Variants in CFAP299 observed in about 807,000 individuals in gnomAD.
The protein encoded by CFAP299 is cilia and flagella associated protein 299.
Under a neutral mutation model 27.0 loss-of-function variants are expected in CFAP299, and 21 were observed. That is an observed-to-expected ratio of 0.78 (90% CI 0.55 to 1.12). The LOEUF is 1.12. Ranked by LOEUF, CFAP299 falls within the 50% of genes most tolerant of loss-of-function variation. CFAP299 has a pLI of 0.00. For synonymous variants in CFAP299, 104 were observed against 98.1 expected, an observed-to-expected ratio of 1.06 and a Z score of -0.36; for missense variants, 310 against 276.6, an observed-to-expected ratio of 1.12 and a Z score of -0.86.
At chr4:80,799,787 T>C (rs1409124337) in intron 3 of CFAP299, among the ~76,000 whole-genome samples, 2 of 44,112 alleles carry the variant, frequency 4.5e-5, no homozygotes, top group Non-Finnish European at 7.5e-5. Context: ...ATATATATTA[T>C]ATATTATATT....
chr4:80,328,581 A>G, the CFAP299 span, among the ~76,000 whole-genome samples: 2 of 152,012 alleles, frequency 1.3e-5, no homozygotes, highest in South Asian at 4.2e-4. Context: ...TTGAATAGGA[A>G]AAAAGGTGTA....
At chr4:80,559,544 T>C (rs943198251) in intron 2 of CFAP299, among the ~76,000 whole-genome samples, 1 of 152,122 alleles carries the variant, frequency 6.6e-6, no homozygotes, top group Non-Finnish European at 1.5e-5. Flanking sequence ...TAGCTGTCTT[T>C]AACTTTATAT....
At chr4:80,562,369 G>C (rs1735074840) in intron 2 of CFAP299, among the ~76,000 whole-genome samples, 1 of 151,978 alleles carries the variant, frequency 6.6e-6, no homozygotes, top group African/African-American at 2.4e-5. Flanking sequence ...AGGCCAAGGA[G>C]GGCAGATCAC....
At chr4:80,640,771 TTC>T (rs1330850069) in intron 3 of CFAP299, among the ~76,000 whole-genome samples, 1 of 152,194 alleles carries the variant, frequency 6.6e-6, no homozygotes, top group African/African-American at 2.4e-5. Flanking sequence ...ATTGCTTATG[TTC>T]TGTGTCTCAG....
chr4:80,774,171 A>G (rs1394892810), intron 3 of CFAP299, among the ~76,000 whole-genome samples: 3 of 151,996 alleles, frequency 2.0e-5, no homozygotes. Context: ...ACCTTAAGTA[A>G]AATAGGCCTG....
At chr4:80,679,182 G>T (rs1719668537) in intron 3 of CFAP299, among the ~76,000 whole-genome samples, 1 of 151,868 alleles carries the variant, frequency 6.6e-6, no homozygotes, top group Non-Finnish European at 1.5e-5. Context: ...TTTTGAAATG[G>T]ACTTTTTTCA....
chr4:80,408,521 A>G (rs1411464277), intron 2 of CFAP299, among the ~76,000 whole-genome samples: 1 of 151,964 alleles, frequency 6.6e-6, no homozygotes. Context: ...CATTTTATTT[A>G]TACTTTTTGT....
chr4:80,593,413 C>T (rs1204728432), intron 3 of CFAP299, among the ~76,000 whole-genome samples: 1 of 152,160 alleles, frequency 6.6e-6, no homozygotes, highest in Non-Finnish European at 1.5e-5. Flanking sequence ...CAGTATACGG[C>T]TTTTGCAGTG....
intron 2 of CFAP299, among the ~76,000 whole-genome samples, chr4:80,419,875 A>C (rs1181049453): frequency 6.6e-6 from 1 of 152,098 alleles, no homozygotes; most frequent in Non-Finnish European, 1.5e-5. Context: ...GCAAGAGAAA[A>C]CTTTACCTTT....
At position 80,631,869 on chromosome 4, in the gene CFAP299, C is replaced by T. The variant is rs201978331; in HGVS notation, c.333+48686C>T. 8.8e-4 allele frequency among the ~76,000 whole-genome samples: 100 copies of T among 113,298 alleles called. 21 individuals carry two copies. Among genetic ancestry groups the T allele is most frequent in the South Asian group, 5.0e-3 (13 of 2,608 alleles). The allele number at this position is 113,298 out of a possible 152,430, so 74.3% of individuals were successfully genotyped here. On this transcript the variant is annotated intron_variant, in intron 3 of 5. Transcript: ENST00000358105. ...AGTCTGAATATTTGTGCCCCACCCCCCCCCAACCAAATTCATATGTTAACA... is the reference window on the plus strand; with the variant it reads ...AGTCTGAATATTTGTGCCCCACCCCTCCCCAACCAAATTCATATGTTAACA...
chr4:80,450,255 T>A (rs1160719085), intron 2 of CFAP299, among the ~76,000 whole-genome samples: 1 of 152,198 alleles, frequency 6.6e-6, no homozygotes, highest in Non-Finnish European at 1.5e-5. Flanking sequence ...GAAAGAGAAT[T>A]GAAAAGTTCT....
chr4:80,833,201 T>G (rs1197245657), intron 3 of CFAP299, among the ~76,000 whole-genome samples: 2 of 152,172 alleles, frequency 1.3e-5, no homozygotes, highest in Non-Finnish European at 2.9e-5. Flanking sequence ...AAAGACACAA[T>G]TTACAAACCC....
At chr4:80,749,173 A>T (rs192730977) in intron 3 of CFAP299, among the ~76,000 whole-genome samples, 1 of 152,334 alleles carries the variant, frequency 6.6e-6, no homozygotes, top group African/African-American at 2.4e-5. Flanking sequence ...GAGAATCATG[A>T]ATAGTAATGC....
chr4:80,960,691 G>C (rs1738300970), intron 5 of CFAP299, among the ~76,000 whole-genome samples: 1 of 151,822 alleles, frequency 6.6e-6, no homozygotes. Context: ...TCACAGTGTA[G>C]TCTTAACTAT....
chr4:80,387,014 A>G (rs1725047100), intron 2 of CFAP299: 2 of 1,224,858 alleles, frequency 1.6e-6, no homozygotes, highest in African/African-American at 1.5e-5. Flanking sequence ...TTGGCAGATG[A>G]CGCTGCAGGT....
At chr4:80,388,759 T>G (rs958402880) in intron 2 of CFAP299, 32 of 495,462 alleles carry the variant, frequency 6.5e-5, no homozygotes, top group South Asian at 1.3e-4. Flanking sequence ...ATAGATTTTT[T>G]GGGGAGGTAG....
chr4:80,724,648 C>A (rs1723040229), intron 3 of CFAP299, among the ~76,000 whole-genome samples: 1 of 151,832 alleles, frequency 6.6e-6, no homozygotes, highest in Non-Finnish European at 1.5e-5. Flanking sequence ...TTGTTTAATT[C>A]TCTACACACT....
intron 3 of CFAP299, among the ~76,000 whole-genome samples, chr4:80,652,053 G>T (rs1740332599): frequency 6.6e-6 from 1 of 152,140 alleles, no homozygotes; most frequent in Non-Finnish European, 1.5e-5. Flanking sequence ...TTCTCAGGAA[G>T]ATGAAAAGTT....
intron 2 of CFAP299, among the ~76,000 whole-genome samples, chr4:80,566,470 G>A (rs936859464): frequency 1.3e-4 from 19 of 151,816 alleles, no homozygotes; most frequent in African/African-American, 4.6e-4. Flanking sequence ...TTTTCCTCTG[G>A]TAAAGCGTTG....
Sources: gnomAD v4.1 joint callset for allele counts (sites outside exome capture counted in the v4.1 genomes callset) on GRCh38, gnomAD v4.1.1 for gene constraint, MANE v1.5 for transcripts, NCBI Gene and HGNC (gene_info 2026-07-23, HGNC 2026-07-21) for gene names.